ANKRD54: variants seen among roughly 807,000 people sequenced by gnomAD.
ANKRD54 encodes ankyrin repeat domain-containing protein 54.
ANKRD54 carries 26 observed loss-of-function variants against 36.2 expected under a neutral mutation model. The ratio of observed to expected loss-of-function variants is 0.72; its 90% confidence interval spans 0.53 to 1.00. The LOEUF (loss-of-function observed/expected upper bound fraction) is 1.00. ANKRD54 is among the 50% of genes least tolerant of loss of function. The pLI, the probability that ANKRD54 is intolerant of heterozygous loss-of-function variation, is 0.00. For synonymous variants in ANKRD54, 209 were observed against 188.4 expected (o/e 1.11, Z -0.89); for missense variants, 384 against 424.3 (o/e 0.91, Z 0.83).
chr22:37,840,744 C>T (rs532942933), intron 1 of ANKRD54, among the ~76,000 whole-genome samples: 17 of 150,166 alleles, frequency 1.1e-4, no homozygotes, highest in East Asian at 6.0e-4. Context: ...AAAAATTAGC[C>T]GGGTGTGGTG....
upstream of ANKRD54, among the ~76,000 whole-genome samples, chr22:37,845,201 G>C (rs1167092729): frequency 6.6e-6 from 1 of 152,084 alleles, no homozygotes; most frequent in East Asian, 1.9e-4. Context: ...ACAAAGATTT[G>C]TAATACAAAG....
chr22:37,843,061 A>T (rs1924475016), intron 1 of ANKRD54, among the ~76,000 whole-genome samples: 1 of 152,252 alleles, frequency 6.6e-6, no homozygotes, highest in African/African-American at 2.4e-5. Context: ...TGTTTGGGGC[A>T]CAGCAAAGGC....
In ANKRD54 at chr22:37,843,987, G is replaced by A; in HGVS notation, c.252C>T (p.Cys84=). The change falls in exon 1 of 8, where the codon TGC becomes TGT. Residue 84 remains cysteine (C), a synonymous_variant. Transcript: ENST00000215941. ...GCCTCAGCCGGCCAGCGGGTATCTT[G>A]CAGCGCAGCTCGTCGCGCGGCTCCG... ...QDAEPRDELR[C]KIPAGRLRRA... The A allele has an allele frequency of 2.1e-6, 3 of 1,422,780 alleles. No individual in the cohort carries two copies. The highest frequency in any genetic ancestry group is 1.8e-6 in the Non-Finnish European group (2 of 1,092,576). 88.1% of individuals were successfully genotyped at this position (1,422,780 alleles called of 1,614,324 possible).
chr22:37,847,158 CTTTTCTT>C (rs1389282249), upstream of ANKRD54, among the ~76,000 whole-genome samples: 5 of 146,294 alleles, frequency 3.4e-5, no homozygotes, highest in African/African-American at 1.3e-4. Flanking sequence ...CGGCCAATTT[CTTTTCTT>C]TTTTCTTTTT....
At chr22:37,834,644 G>GCC (rs1475032193) in intron 3 of ANKRD54, 1 of 120,146 alleles carries the variant, frequency 8.3e-6, no homozygotes, top group African/African-American at 3.2e-5. Flanking sequence ...GTTGCAGTCA[G>GCC]CCGAGATGGT....
rs1349594283 is a variant in ANKRD54, at chr22:37,843,857, GC to G, written c.328+53del. 2.6e-6 allele frequency: 3 copies of G among 1,165,644 alleles called. No homozygotes were observed. The Admixed American group carries it at 1.4e-4, about 53-fold the overall frequency. 72.2% of individuals were successfully genotyped at this position (1,165,644 alleles called of 1,614,324 possible). On this transcript the variant is annotated intron_variant, in intron 1 of 7. Coordinates refer to ENST00000215941, the MANE Select transcript of ANKRD54 (RefSeq NM_138797.4). ...GCGGCCACTGGTCCTCTGAGGCCCC[GC>G]CCCTCGCCCGGGCTGCCCCGCCCCG...
upstream of ANKRD54, among the ~76,000 whole-genome samples, chr22:37,844,825 C>T (rs758757934): frequency 1.5e-4 from 23 of 152,112 alleles, no homozygotes; most frequent in Non-Finnish European, 2.1e-4. Context: ...GCCTCGGCCT[C>T]CCAAAGTGCT....
intron 3 of ANKRD54, among the ~76,000 whole-genome samples, chr22:37,836,111 G>A (rs929940796): frequency 1.3e-5 from 2 of 150,540 alleles, no homozygotes; most frequent in African/African-American, 4.9e-5. Context: ...TGGGATTACA[G>A]GCGTGAGATA....
rs55791449 is a variant in ANKRD54 at position 37,833,012 on chromosome 22, G to C, written c.666C>G (p.Ile222Met). 6.2e-7 allele frequency: 1 copy of C among 1,614,156 alleles called. No homozygotes were observed. Among genetic ancestry groups the C allele is most frequent in the Non-Finnish European group, 8.5e-7 (1 of 1,180,032 alleles). Residue 222 changes from isoleucine to methionine, a missense_variant, in exon 6 of 8, where the codon ATC (isoleucine) becomes ATG (methionine). By Grantham distance (10) the Ile-to-Met change is conservative (BLOSUM62 1). Coordinates refer to ENST00000215941, the MANE Select transcript of ANKRD54 (RefSeq NM_138797.4). ...PLHLAKSKLN[I>M]LQEGHAQCLE... Reference sequence around the variant, plus strand: ...GGCACTGGGCATGGCCCTCCTGCAGGATATTCAGCTTTGACTTGGCCAGGT... The same window carrying C: ...GGCACTGGGCATGGCCCTCCTGCAGCATATTCAGCTTTGACTTGGCCAGGT...
chr22:37,845,901 G>A (rs912929410), upstream of ANKRD54, among the ~76,000 whole-genome samples: 3 of 148,714 alleles, frequency 2.0e-5, no homozygotes, highest in South Asian at 4.3e-4. Context: ...AAGGCCTGGC[G>A]CTGTGGCTCA....
chr22:37,849,027 C>A (rs967668811), upstream of ANKRD54: 4 of 326,854 alleles, frequency 1.2e-5, no homozygotes, highest in Admixed American at 1.4e-4. Flanking sequence ...CCTCTTGTTG[C>A]CCAGGCTAGA....
At chr22:37,832,256 A>G (rs1922975903) in intron 7 of ANKRD54, among the ~76,000 whole-genome samples, 1 of 152,080 alleles carries the variant, frequency 6.6e-6, no homozygotes, top group Non-Finnish European at 1.5e-5. Context: ...AAGGAAGTGA[A>G]CGGAGGCTTT....
At chr22:37,836,259 C>G (rs1923517256) in intron 3 of ANKRD54, among the ~76,000 whole-genome samples, 1 of 149,848 alleles carries the variant, frequency 6.7e-6, no homozygotes, top group Non-Finnish European at 1.5e-5. Context: ...CCAGCCTGAC[C>G]AACATGGAGA....
chr22:37,844,379 G>A (rs1214425490), upstream of ANKRD54: 4 of 927,336 alleles, frequency 4.3e-6, no homozygotes, highest in Non-Finnish European at 6.2e-6. Context: ...AGCGGGGGCG[G>A]GCTCAGGCCG....
In ANKRD54 at chr22:37,831,287, T is replaced by C. The variant is rs1922843567; in HGVS notation, c.*656A>G. 1 of 152,262 alleles carries C rather than the reference T, an allele frequency of 6.6e-6. No homozygotes were observed. The highest frequency in any genetic ancestry group is 6.5e-5 in the Admixed American group (1 of 15,282). The allele number at this position is 152,262 out of a possible 1,614,324, so 9.4% of individuals were successfully genotyped here. On this transcript the variant is annotated 3_prime_UTR_variant, in exon 8 of 8. Coordinates refer to ENST00000215941, the MANE Select transcript of ANKRD54 (RefSeq NM_138797.4). ...GCCTACCACAACTGGGCAGCAAAAC[T>C]ATTACACCCTCCGGTATAATAGTTT...
chr22:37,832,666 G>A lies in ANKRD54; in HGVS notation c.799C>T (p.Arg267Cys), dbSNP rs146963052. Residue 267 changes from arginine to cysteine, a missense_variant, in exon 7 of 8, where the codon CGC becomes TGC. By Grantham distance (180) the Arg-to-Cys change is radical (BLOSUM62 -3). Transcript: ENST00000215941. Reference sequence around the variant, plus strand: ...TCTTTGGTACTGGTCATCTGCAGGCGGGTGCAGAGGTCATCCAGGCGTTCT... The same window carrying A: ...TCTTTGGTACTGGTCATCTGCAGGCAGGTGCAGAGGTCATCCAGGCGTTCT... ...QRERLDDLCTRLQMTSTKEQV... is the reference protein window; with the variant it reads ...QRERLDDLCTCLQMTSTKEQV... 19 of 1,614,146 alleles carry A rather than the reference G, an allele frequency of 1.2e-5. No homozygotes were observed. Among genetic ancestry groups the A allele is most frequent in the South Asian group, 4.4e-5 (4 of 91,086 alleles).
At chr22:37,833,345 C>G (rs1325220287) in intron 4 of ANKRD54, 139 bp from the exon 5 acceptor site, 2 of 1,046,114 alleles carry the variant, frequency 1.9e-6, no homozygotes, top group East Asian at 2.6e-5. Context: ...CAAGGCACAG[C>G]TAGGTAGGAC....
upstream of ANKRD54, chr22:37,847,568 G>T (rs567600955): frequency 2.3e-5 from 10 of 426,194 alleles, no homozygotes; most frequent in African/African-American, 2.1e-4. Flanking sequence ...GGAAGATGAG[G>T]GTTGGTTAGA....
intron 1 of ANKRD54, 99 bp downstream of exon 1, chr22:37,843,812 G>A (rs571296768): frequency 1.1e-6 from 1 of 906,884 alleles, no homozygotes; most frequent in East Asian, 4.2e-5. Flanking sequence ...CCCCGGCTGA[G>A]GGTCGGGGGC....
Sources: allele counts gnomAD v4.1 joint callset (sites outside exome capture counted in the v4.1 genomes callset), GRCh38; gene constraint gnomAD v4.1.1; transcripts MANE v1.5; gene names NCBI Gene and HGNC (gene_info 2026-07-23, HGNC 2026-07-21).